Variants in NME9 observed in about 807,000 individuals in gnomAD.
The protein encoded by NME9 is thioredoxin domain-containing protein 6.
In NME9, 48 loss-of-function variants were observed where a neutral mutation model predicts 44.4. The observed-to-expected ratio is 1.08, with a 90% CI of 0.86 to 1.37. The LOEUF (loss-of-function observed/expected upper bound fraction) is 1.37. NME9 is among the 40% of genes most tolerant of loss of function. The pLI, the probability that NME9 is intolerant of heterozygous loss-of-function variation, is 0.00. For missense variants in NME9, 325 were observed against 405.2 expected (o/e 0.80, Z 1.70); for synonymous variants, 139 against 147.1 (o/e 0.94, Z 0.40).
rs77826103 is a variant in NME9 at position 138,284,673 on chromosome 3, T to C, written c.745+18834A>G. 755 of 622,658 alleles carry C rather than the reference T, an allele frequency of 1.2e-3. 6 individuals carry two copies. The African/African-American group carries it at 0.013, about 10-fold the overall frequency. 38.6% of individuals were successfully genotyped at this position (622,658 alleles called of 1,614,324 possible). On this transcript the variant is annotated intron_variant, in intron 8 of 8. Transcript: ENST00000317876. ...AGATTCAAAGAACTCTCTTCCATCCTGAAGAAAAAGAAAAAAACACCAACT... is the reference window on the plus strand; with the variant it reads ...AGATTCAAAGAACTCTCTTCCATCCCGAAGAAAAAGAAAAAAACACCAACT...
intron 8 of NME9, among the ~76,000 whole-genome samples, chr3:138,291,118 A>G (rs1289520695): frequency 6.6e-6 from 1 of 152,234 alleles, no homozygotes; most frequent in African/African-American, 2.4e-5. Flanking sequence ...TCAGATACTC[A>G]GCTAACCTCA....
At chr3:138,292,632 G>T (rs2051075480) in intron 8 of NME9, among the ~76,000 whole-genome samples, 1 of 152,194 alleles carries the variant, frequency 6.6e-6, no homozygotes, top group African/African-American at 2.4e-5. Flanking sequence ...TACCAAGATG[G>T]TGAGGAATAT....
intron 1 of NME9, among the ~76,000 whole-genome samples, chr3:138,328,960 A>G (rs1177045671): frequency 6.6e-6 from 1 of 152,246 alleles, no homozygotes; most frequent in Non-Finnish European, 1.5e-5. Flanking sequence ...TTCAACAAGA[A>G]CAAAATAACG....
chr3:138,310,600 TAGTA>T (rs563445083), intron 6 of NME9, among the ~76,000 whole-genome samples: 42 of 152,162 alleles, frequency 2.8e-4, no homozygotes, highest in African/African-American at 9.6e-4. Context: ...TAGAAATCAA[TAGTA>T]AGAGGAACCT....
chr3:138,290,169 G>C (rs1291477851), intron 8 of NME9, among the ~76,000 whole-genome samples: 1 of 152,220 alleles, frequency 6.6e-6, no homozygotes, highest in East Asian at 1.9e-4. Flanking sequence ...GCTTAGAGTA[G>C]TAAGAGCCTG....
intron 8 of NME9, chr3:138,288,950 T>G: frequency 1.0e-6 from 1 of 967,020 alleles, no homozygotes; most frequent in South Asian, 1.5e-5. Context: ...CTTCAGACTT[T>G]TAGGTTATAG....
At chr3:138,295,927 CT>C in intron 8 of NME9, 1 of 1,608,458 alleles carries the variant, frequency 6.2e-7, no homozygotes, top group South Asian at 1.1e-5. Flanking sequence ...AGCATCCCAC[CT>C]CCTTGTTTAA....
Position 138,329,826 on chromosome 3 carries a change from C to G in NME9, c.-491G>C, listed in dbSNP as rs148347528. The stretch of plus-strand genomic sequence containing the variant: ...GCCCGGAGTCACCAACCGAGTCTGC[C>G]GCGACCTAGCCGCGGTCGTCATGGC... On this transcript the variant is annotated 5_prime_UTR_variant, in exon 1 of 11. Coordinates refer to ENST00000333911, the MANE Select transcript of NME9 (RefSeq NM_001349018.2). 9.1e-6 allele frequency: 9 copies of G among 986,162 alleles called. No homozygotes were observed. In the Admixed American group the frequency reaches 4.9e-4, roughly 54 times the overall value. 61.1% of individuals were successfully genotyped at this position (986,162 alleles called of 1,614,324 possible).
At chr3:138,269,195 A>C (rs1417189454) in intron 8 of NME9, among the ~76,000 whole-genome samples, 1 of 152,216 alleles carries the variant, frequency 6.6e-6, no homozygotes, top group Non-Finnish European at 1.5e-5. Flanking sequence ...TTTCAAAATA[A>C]GTTTTTAAAA....
chr3:138,266,721 G>T (rs1326444627), intron 8 of NME9, among the ~76,000 whole-genome samples: 1 of 152,158 alleles, frequency 6.6e-6, no homozygotes, highest in African/African-American at 2.4e-5. Context: ...TAGCCTGCTT[G>T]ATTCGTCAGT....
At chr3:138,318,874 T>C (rs1301538189) in intron 3 of NME9, among the ~76,000 whole-genome samples, 1 of 152,182 alleles carries the variant, frequency 6.6e-6, no homozygotes, top group African/African-American at 2.4e-5. Context: ...GCTCTGAAAA[T>C]GACATTTCAG....
intron 8 of NME9, among the ~76,000 whole-genome samples, chr3:138,279,108 G>T (rs1328558511): frequency 6.6e-6 from 1 of 152,160 alleles, no homozygotes; most frequent in African/African-American, 2.4e-5. Flanking sequence ...TTAGAGAAAA[G>T]CACTCAGTCT....
intron 8 of NME9, among the ~76,000 whole-genome samples, chr3:138,264,987 C>T (rs2108271317): frequency 6.6e-6 from 1 of 151,858 alleles, no homozygotes; most frequent in South Asian, 2.1e-4. Flanking sequence ...AGCCTTGTGC[C>T]CCCCGGCCCA....
intron 4 of NME9, among the ~76,000 whole-genome samples, chr3:138,315,934 C>G (rs2053049402): frequency 6.6e-6 from 1 of 152,162 alleles, no homozygotes; most frequent in Non-Finnish European, 1.5e-5. Flanking sequence ...CAGGTTCACA[C>G]CATTCTCCTG....
At chr3:138,293,059 A>G (rs1342164978) in intron 8 of NME9, among the ~76,000 whole-genome samples, 1 of 152,130 alleles carries the variant, frequency 6.6e-6, no homozygotes, top group African/African-American at 2.4e-5. Flanking sequence ...TTTGCCAGGG[A>G]TGCCTTTTGT....
intron 2 of NME9, 103 bp downstream of exon 2, chr3:138,324,770 A>G (rs2053677310): frequency 1.2e-6 from 1 of 858,516 alleles, no homozygotes; most frequent in Admixed American, 1.8e-5. Context: ...GCTCAAGGTA[A>G]TAGGAAAGTG....
At chr3:138,290,699 T>C (rs999627142) in intron 8 of NME9, 23 of 1,113,116 alleles carry the variant, frequency 2.1e-5, no homozygotes, top group Middle Eastern at 2.0e-4. Context: ...CGTGAAAGGG[T>C]TTGAATTGCT....
intron 2 of NME9, among the ~76,000 whole-genome samples, chr3:138,321,638 A>C (rs928845637): frequency 1.3e-5 from 2 of 152,166 alleles, no homozygotes; most frequent in Non-Finnish European, 2.9e-5. Context: ...AAGACGCATG[A>C]ATTCAGCAGT....
chr3:138,314,239 T>C, intron 6 of NME9, 93 bp downstream of exon 6: 1 of 664,508 alleles, frequency 1.5e-6, no homozygotes, highest in Middle Eastern at 2.6e-4. Context: ...ATAGTTCAGA[T>C]TGCTCAGTAA....
Sources: allele counts gnomAD v4.1 joint callset (sites outside exome capture counted in the v4.1 genomes callset), GRCh38; gene constraint gnomAD v4.1.1; transcripts MANE v1.5; gene names NCBI Gene and HGNC (gene_info 2026-07-23, HGNC 2026-07-21).